The following HEXA variants were observed in gnomAD, a reference collection of about 807,000 sequenced individuals.
The protein encoded by HEXA is hexosaminidase subunit alpha, also known as beta-hexosaminidase subunit alpha.
Under a neutral mutation model 73.3 loss-of-function variants are expected in HEXA, and 54 were observed. The observed-to-expected ratio is 0.74, with a 90% CI of 0.59 to 0.92. The LOEUF is 0.92. Among genes scored for constraint, HEXA ranks in the 40% least tolerant of loss-of-function variants. The pLI is 0.00. For synonymous variants in HEXA, 230 were observed against 246.9 expected (o/e 0.93, Z 0.64); for missense variants, 649 against 653.0 (o/e 0.99, Z 0.07).
intron 1 of HEXA, 64 bp downstream of exon 1, chr15:72,375,656 G>C (rs904766710): frequency 1.6e-5 from 25 of 1,597,396 alleles, no homozygotes; most frequent in Non-Finnish European, 2.0e-5. Flanking sequence ...TGGAGCCCTG[G>C]GGGAACTGTC....
chr15:72,351,622 T>C, intron 5 of HEXA: 2 of 317,856 alleles, frequency 6.3e-6, no homozygotes, highest in East Asian at 7.8e-5. Flanking sequence ...TAAGCCCAAC[T>C]GTGAGACCTC....
At position 72,341,364 on chromosome 15, in the gene HEXA, G is replaced by T; in HGVS notation, c.*2713C>A. 6.6e-6 allele frequency: 1 copy of T among 152,294 alleles called. No homozygotes were observed. Among genetic ancestry groups the T allele is most frequent in the Non-Finnish European group, 1.5e-5 (1 of 68,052 alleles). 9.4% of individuals were successfully genotyped at this position (152,294 alleles called of 1,614,324 possible). On this transcript the variant is annotated 3_prime_UTR_variant, in exon 14 of 14. Coordinates refer to ENST00000268097, the MANE Select transcript of HEXA (RefSeq NM_000520.6). ...AAACACCAGTGACCTAGCTTTATTA[G>T]ATTCCTCGAAGGGAAGGTACCTGGC...
intron 1 of HEXA, chr15:72,357,946 T>G (rs551616183): frequency 1.7e-4 from 26 of 152,276 alleles, no homozygotes; most frequent in African/African-American, 6.3e-4. Context: ...GAGGAGGGAA[T>G]CTGAGGCAAC....
In HEXA at chr15:72,375,965, C is replaced by G. The variant is rs374524755; in HGVS notation, c.8G>C (p.Ser3Thr). Reference sequence around the variant, plus strand: ...CAGCAGCGAAAACCAAAGCCTGGAGCTTGTCATGGCCCGCTGGTCTCCCCT... The same window carrying G: ...CAGCAGCGAAAACCAAAGCCTGGAGGTTGTCATGGCCCGCTGGTCTCCCCT... MT[S>T]SRLWFSLLLA... The change falls in exon 1 of 14, where the codon AGC becomes ACC. Residue 3 changes from serine (S) to threonine (T), a missense_variant. By Grantham distance (58) the Ser-to-Thr change is moderately conservative (BLOSUM62 1). Transcript: ENST00000268097. The G allele has an allele frequency of 2.9e-4, 465 of 1,613,588 alleles. No individual in the cohort carries two copies. Among genetic ancestry groups the G allele is most frequent in the Middle Eastern group, 2.3e-3 (14 of 6,056 alleles).
At chr15:72,367,771 C>G (rs2088936683) in intron 1 of HEXA, among the ~76,000 whole-genome samples, 1 of 152,232 alleles carries the variant, frequency 6.6e-6, no homozygotes, top group African/African-American at 2.4e-5. Flanking sequence ...GGCATGAAGG[C>G]TTCTCGCCTG....
intron 1 of HEXA, among the ~76,000 whole-genome samples, chr15:72,372,002 A>T (rs909236135): frequency 6.6e-6 from 1 of 152,164 alleles, no homozygotes; most frequent in Non-Finnish European, 1.5e-5. Context: ...GAACCTTATA[A>T]TATCTATGAT....
At chr15:72,353,033 T>C (rs1268171219) in intron 5 of HEXA, 35 bp downstream of exon 5, 2 of 1,253,176 alleles carry the variant, frequency 1.6e-6, no homozygotes, top group African/African-American at 1.5e-5. Context: ...ACCCTAGAAC[T>C]CTTAAGTGTG....
chr15:72,375,310 G>A (rs2089047455), intron 1 of HEXA, among the ~76,000 whole-genome samples: 1 of 152,044 alleles, frequency 6.6e-6, no homozygotes, highest in African/African-American at 2.4e-5. Flanking sequence ...GGCTGGTCTC[G>A]AACTCCTGAC....
At position 72,375,911 on chromosome 15, in the gene HEXA, G is replaced by C; in HGVS notation, c.62C>G (p.Thr21Arg). The C allele has an allele frequency of 4.3e-6, 7 of 1,614,168 alleles. No individual in the cohort carries two copies. The highest frequency in any genetic ancestry group is 5.9e-6 in the Non-Finnish European group (7 of 1,180,034). Reference sequence around the variant, plus strand: ...GTTCTGAGGCCAGGGCCAGAGGGCCGTCGCCCGTCCTGCGAACGCTGCCGC... The same window carrying C: ...GTTCTGAGGCCAGGGCCAGAGGGCCCTCGCCCGTCCTGCGAACGCTGCCGC... ...LLAAAFAGRA[T>R]ALWPWPQNFQ... The change falls in exon 1 of 14, where the codon ACG (threonine) becomes AGG (arginine). Residue 21 changes from threonine (T) to arginine (R), a missense_variant. Coordinates refer to ENST00000268097, the MANE Select transcript of HEXA (RefSeq NM_000520.6).
rs758871181 is a variant in HEXA, at chr15:72,349,164, T to G, written c.901A>C (p.Met301Leu). ...NPSLNNTYEF[M>L]STFFLEVSSV... ...CTGACTTCTAAGAAGAATGTGCTCA[T>G]GAACTCATAGGTATTATTGAGACTG... The change falls in exon 8 of 14, where the codon ATG becomes CTG. Residue 301 changes from methionine (M) to leucine (L), a missense_variant. Physicochemically the swap from Met to Leu is conservative, Grantham distance 15. Transcript: ENST00000268097. The G allele has an allele frequency of 5.0e-6, 8 of 1,613,682 alleles. No homozygotes were observed. Among genetic ancestry groups the G allele is most frequent in the Non-Finnish European group, 6.8e-6 (8 of 1,179,672 alleles).
intron 10 of HEXA, 71 bp from the exon 11 acceptor site, chr15:72,346,781 G>A (rs968453006): frequency 5.0e-6 from 7 of 1,407,250 alleles, no homozygotes; most frequent in African/African-American, 1.4e-5. Flanking sequence ...TCATACACAG[G>A]CAACATGGGA....
chr15:72,347,843 C>CA, intron 9 of HEXA, 85 bp from the exon 10 acceptor site: 1 of 1,330,592 alleles, frequency 7.5e-7, no homozygotes, highest in African/African-American at 1.4e-5. Context: ...AGGGGTTGAG[C>CA]CTGGCCAGGG....
intron 10 of HEXA, among the ~76,000 whole-genome samples, chr15:72,347,316 AG>A (rs1278325938): frequency 1.3e-5 from 2 of 150,688 alleles, no homozygotes; most frequent in African/African-American, 4.8e-5. Context: ...TCTGTTGCCC[AG>A]GGTTGAGTGC....
intron 1 of HEXA, among the ~76,000 whole-genome samples, chr15:72,369,003 G>A (rs1430375904): frequency 1.3e-5 from 2 of 152,140 alleles, no homozygotes; most frequent in East Asian, 1.9e-4. Context: ...ACACCCATAC[G>A]TCCTGTATTT....
chr15:72,362,360 T>C (rs1038962343), intron 1 of HEXA: 24 of 434,266 alleles, frequency 5.5e-5, no homozygotes, highest in African/African-American at 4.9e-4. Context: ...TGCTGTTTAT[T>C]TGTCTATCTC....
At chr15:72,349,009 C>G in intron 8 of HEXA, 70 bp downstream of exon 8, 2 of 1,314,244 alleles carry the variant, frequency 1.5e-6, no homozygotes, top group Non-Finnish European at 2.2e-6. Context: ...TAAGCAGCCC[C>G]TCGGGTGCTA....
chr15:72,346,081 C>T, intron 12 of HEXA, 154 bp downstream of exon 12: 1 of 668,526 alleles, frequency 1.5e-6, no homozygotes, highest in Non-Finnish European at 2.8e-6. Flanking sequence ...GTGAATATTG[C>T]ACACAAATCT....
In HEXA at chr15:72,376,012, G is replaced by A. The variant is rs917996259; in HGVS notation, c.-40C>T. The A allele has an allele frequency of 6.2e-7, 1 of 1,607,128 alleles. No individual in the cohort carries two copies. The highest frequency in any genetic ancestry group is 8.5e-7 in the Non-Finnish European group (1 of 1,179,884). On this transcript the variant is annotated 5_prime_UTR_variant, in exon 1 of 14. Coordinates refer to ENST00000268097, the MANE Select transcript of HEXA (RefSeq NM_000520.6). ...CCCTCTCGGAGGGGGCTGGCCACGT[G>A]AGACCCTGGTCAGGTGAGCGGCGCC... is the stretch of plus-strand genomic sequence containing the variant.
intron 7 of HEXA, among the ~76,000 whole-genome samples, chr15:72,349,708 A>T (rs1299551687): frequency 1.3e-5 from 2 of 152,106 alleles, no homozygotes; most frequent in Non-Finnish European, 2.9e-5. Context: ...CTTGGCCCAG[A>T]GACTACTTCC....
Sources: allele counts gnomAD v4.1 joint callset (sites outside exome capture counted in the v4.1 genomes callset), GRCh38; gene constraint gnomAD v4.1.1; transcripts MANE v1.5; gene names NCBI Gene and HGNC (gene_info 2026-07-23, HGNC 2026-07-21).